Variants in HEATR1 observed in about 807,000 individuals in gnomAD.
HEATR1 encodes HEAT repeat containing 1.
HEATR1 carries 77 observed loss-of-function variants against 248.2 expected under a neutral mutation model. The ratio of observed to expected loss-of-function variants is 0.31; its 90% CI spans 0.26 to 0.37. The LOEUF is 0.37. Ranked by LOEUF, HEATR1 falls within the 10% of genes least tolerant of loss-of-function variation. The pLI is 1.00. For synonymous variants in HEATR1, 897 were observed against 923.1 expected (o/e 0.97, Z 0.51); for missense variants, 2,420 against 2,504.9 (o/e 0.97, Z 0.72).
intron 33 of HEATR1, 118 bp downstream of exon 33, chr1:236,561,107 T>C: frequency 2.6e-6 from 2 of 759,012 alleles, no homozygotes; most frequent in Non-Finnish European, 4.5e-6. Context: ...CAGAAAGTAT[T>C]ATCAAATGGT....
intron 29 of HEATR1, among the ~76,000 whole-genome samples, chr1:236,567,169 C>T (rs2564742): frequency 0.57 from 86,632 of 151,768 alleles, 26,645 homozygotes; most frequent in Non-Finnish European, 0.69. Flanking sequence ...TTTGTAGAGA[C>T]GGGGTTTTGC....
chr1:236,600,076 A>G (rs1010606073), intron 3 of HEATR1, among the ~76,000 whole-genome samples: 8 of 139,266 alleles, frequency 5.7e-5, no homozygotes, highest in African/African-American at 1.6e-4. Flanking sequence ...ATTTCTGTGT[A>G]GAGACTAGGT....
chr1:236,574,446 C>T (rs1572041261), intron 23 of HEATR1, 113 bp from the exon 24 acceptor site: 1 of 1,342,060 alleles, frequency 7.5e-7, no homozygotes, highest in East Asian at 2.4e-5. Flanking sequence ...TTAATTTTGT[C>T]AGTTAAAATG....
chr1:236,581,451 T>TTA, intron 19 of HEATR1, 37 bp from the exon 20 acceptor site: 1 of 1,398,042 alleles, frequency 7.2e-7, no homozygotes, highest in Non-Finnish European at 9.6e-7. Flanking sequence ...TTTTAATTCT[T>TTA]ACTCAAATAA....
At chr1:236,588,178 C>A (rs1663943900) in intron 12 of HEATR1, 135 bp from the exon 13 acceptor site, 1 of 555,238 alleles carries the variant, frequency 1.8e-6, no homozygotes. Context: ...TGGATGAGGA[C>A]TGAAACACAC....
Position 236,587,448 on chromosome 1 carries a change from G to T in HEATR1, c.1669C>A (p.Leu557Ile). The change falls in exon 14 of 45, where the codon CTT becomes ATT. Residue 557 changes from leucine to isoleucine, a missense_variant. Transcript: ENST00000366582. ...TCTGCTCTTTGAAAGAGATTCAGAAGATTTGAAATCGTCACTTCTGAACTG... is the reference window on the plus strand; with the variant it reads ...TCTGCTCTTTGAAAGAGATTCAGAATATTTGAAATCGTCACTTCTGAACTG... ...HFSSEVTISN[L>I]LNLFQRAELS... 1 of 1,539,628 alleles carries T rather than the reference G, an allele frequency of 6.5e-7. No homozygotes were observed. Among genetic ancestry groups the T allele is most frequent in the Non-Finnish European group, 8.8e-7 (1 of 1,137,340 alleles).
intron 44 of HEATR1, 112 bp downstream of exon 44, chr1:236,551,887 C>T (rs1326308808): frequency 5.5e-6 from 4 of 722,618 alleles, no homozygotes; most frequent in Non-Finnish European, 9.6e-6. Context: ...AGGACTGGAT[C>T]AACTGCTAGT....
chr1:236,593,075 T>C (rs1664084420), intron 9 of HEATR1, among the ~76,000 whole-genome samples: 1 of 152,016 alleles, frequency 6.6e-6, no homozygotes, highest in South Asian at 2.1e-4. Flanking sequence ...ATGCCTGTAA[T>C]CCCAGCTACC....
chr1:236,560,236 GCACA>G (rs746732372), intron 33 of HEATR1, among the ~76,000 whole-genome samples: 10 of 151,582 alleles, frequency 6.6e-5, no homozygotes, highest in African/African-American at 2.4e-4. Flanking sequence ...GCACACACAC[GCACA>G]CATACACATG....
intron 20 of HEATR1, among the ~76,000 whole-genome samples, chr1:236,580,330 T>C (rs1464045194): frequency 3.3e-5 from 5 of 152,222 alleles, no homozygotes; most frequent in Non-Finnish European, 4.4e-5. Flanking sequence ...AATTGTATTA[T>C]GATGATCTGA....
Position 236,566,694 on chromosome 1 carries a change from A to T in HEATR1, c.4260T>A (p.Phe1420Leu), listed in dbSNP as rs1663281070. ...GCACTGTTTTTGTGACATACTGTTC[A>T]AAAAGCAAGATGAGGAGAATCCAGA... ...KFLWILLILL[F>L]EQYVTKTVLA... Residue 1420 changes from phenylalanine (F) to leucine (L), a missense_variant, in exon 30 of 45, where the codon TTT becomes TTA. Phe to Leu is a conservative substitution (Grantham distance 22, BLOSUM62 0). Transcript: ENST00000366582. 6.2e-7 allele frequency: 1 copy of T among 1,614,024 alleles called. No individual in the cohort carries two copies. Among genetic ancestry groups the T allele is most frequent in the Admixed American group, 1.7e-5 (1 of 60,006 alleles).
intron 31 of HEATR1, among the ~76,000 whole-genome samples, chr1:236,565,072 A>AC (rs1407604740): frequency 3.9e-5 from 6 of 152,160 alleles, no homozygotes; most frequent in African/African-American, 1.2e-4. Flanking sequence ...TTCCTTACCC[A>AC]CATCACCACA....
chr1:236,561,057 GA>G (rs1173061078), intron 33 of HEATR1, among the ~76,000 whole-genome samples, 167 bp downstream of exon 33: 1 of 152,150 alleles, frequency 6.6e-6, no homozygotes, highest in African/African-American at 2.4e-5. Context: ...ATGGCTCAGA[GA>G]AAAAACCCTA....
intron 39 of HEATR1, 36 bp downstream of exon 39, chr1:236,555,768 AC>A: frequency 6.2e-7 from 1 of 1,613,632 alleles, no homozygotes; most frequent in Non-Finnish European, 8.5e-7. Flanking sequence ...TAGGTGGATA[AC>A]AGCTTTAGGA....
Position 236,572,880 on chromosome 1 carries a change from T to C in HEATR1, c.3460-52A>G, listed in dbSNP as rs756301433. 4.1e-6 allele frequency: 6 copies of C among 1,481,428 alleles called. No individual in the cohort carries two copies. The African/African-American group carries it at 6.9e-5, about 17-fold the overall frequency. The allele number at this position is 1,481,428 out of a possible 1,614,324, so 91.8% of individuals were successfully genotyped here. A position where few individuals can be genotyped will look rare whatever the true frequency, so the allele number is the denominator to read the frequency against. On this transcript the variant is annotated intron_variant, in intron 24 of 44. Transcript: ENST00000366582. ...ATGATATAATCCATTGGGATAAAAT[T>C]AGAGCAATAAATGTTAACCCCTAGG... is the stretch of plus-strand genomic sequence containing the variant.
chr1:236,604,049 C>G lies in HEATR1; in HGVS notation c.47G>C (p.Ser16Thr), dbSNP rs200735956. The G allele has an allele frequency of 6.3e-7, 1 of 1,585,800 alleles. No homozygotes were observed. The highest frequency in any genetic ancestry group is 1.9e-5 in the Admixed American group (1 of 52,748). The change falls in exon 2 of 45, where the codon AGT becomes ACT. Residue 16 changes from serine to threonine, a missense_variant. Transcript: ENST00000366582. ...QQLQRLALPQSDASLLSRDEV... is the reference protein window; with the variant it reads ...QQLQRLALPQTDASLLSRDEV... ...ATCTCTAGATAAGAGGCTGGCATCA[C>G]TTTGAGGGAGGGCGAGTCGTTGCAG...
chr1:236,590,805 A>C (rs928019734), intron 12 of HEATR1, 42 bp downstream of exon 12: 5 of 1,075,922 alleles, frequency 4.6e-6, no homozygotes, highest in Admixed American at 2.8e-5. Flanking sequence ...ACTGCTCATC[A>C]TAAGAAAAAA....
At chr1:236,594,216 A>C in intron 8 of HEATR1, 102 bp from the exon 9 acceptor site, 1 of 654,542 alleles carries the variant, frequency 1.5e-6, no homozygotes, top group Non-Finnish European at 2.6e-6. Context: ...AATAAAACAC[A>C]CACACTGATA....
At chr1:236,596,747 TA>T in intron 6 of HEATR1, 88 bp downstream of exon 6, 1 of 1,290,956 alleles carries the variant, frequency 7.7e-7, no homozygotes, top group Non-Finnish European at 1.1e-6. Flanking sequence ...ACTGTCAATT[TA>T]AAAACACTTA....
Sources: gnomAD v4.1 joint callset for allele counts (sites outside exome capture counted in the v4.1 genomes callset) on GRCh38, gnomAD v4.1.1 for gene constraint, MANE v1.5 for transcripts, NCBI Gene and HGNC (gene_info 2026-07-23, HGNC 2026-07-21) for gene names.